Variants in MACROD2 observed in about 807,000 individuals in gnomAD.
MACROD2 encodes the protein ADP-ribose glycohydrolase MACROD2.
MACROD2 carries 36 observed loss-of-function variants against 70.4 expected under a neutral mutation model. The ratio of observed to expected loss-of-function variants is 0.51; its 90% confidence interval spans 0.39 to 0.68. The LOEUF is 0.68. Among genes scored for constraint, MACROD2 ranks in the 30% least tolerant of loss-of-function variants. MACROD2 has a pLI of 0.00. For missense variants in MACROD2, 496 were observed against 538.4 expected (o/e 0.92, Z 0.78); for synonymous variants, 172 against 178.8 (o/e 0.96, Z 0.30).
chr20:14,060,894 T>C (rs896186864), intron 2 of MACROD2, among the ~76,000 whole-genome samples: 3 of 152,182 alleles, frequency 2.0e-5, no homozygotes, highest in African/African-American at 7.2e-5. Flanking sequence ...TTTGAATTAG[T>C]TGACAGATTT....
chr20:14,280,893 A>G (rs1272394168), intron 3 of MACROD2, among the ~76,000 whole-genome samples: 1 of 152,204 alleles, frequency 6.6e-6, no homozygotes, highest in African/African-American at 2.4e-5. Context: ...TTCTGAATCA[A>G]TAATTGAAAA....
At chr20:14,555,862 T>C (rs1811814882) in intron 4 of MACROD2, among the ~76,000 whole-genome samples, 1 of 152,012 alleles carries the variant, frequency 6.6e-6, no homozygotes, top group African/African-American at 2.4e-5. Context: ...GGTGGGGCTG[T>C]GGGAGGAAGC....
intron 5 of MACROD2, among the ~76,000 whole-genome samples, chr20:14,854,190 A>G (rs1248013141): frequency 6.6e-6 from 1 of 152,166 alleles, no homozygotes; most frequent in Admixed American, 6.5e-5. Context: ...CATCTTCACC[A>G]GGAGAAAGCT....
At chr20:15,498,477 A>G (rs2047326142) in intron 7 of MACROD2, among the ~76,000 whole-genome samples, 2 of 152,222 alleles carry the variant, frequency 1.3e-5, no homozygotes, top group African/African-American at 4.8e-5. Context: ...GTATAAGGAA[A>G]AAAAGAGGGC....
At chr20:15,408,166 A>G (rs1360261977) in intron 6 of MACROD2, among the ~76,000 whole-genome samples, 1 of 152,216 alleles carries the variant, frequency 6.6e-6, no homozygotes, top group African/African-American at 2.4e-5. Flanking sequence ...AAGTTTTTTA[A>G]GGGGAATAAA....
At chr20:15,124,534 A>G (rs1032427803) in intron 5 of MACROD2, among the ~76,000 whole-genome samples, 1 of 152,026 alleles carries the variant, frequency 6.6e-6, no homozygotes, top group African/African-American at 2.4e-5. Context: ...TTATCAAATT[A>G]CTTCTTAAAA....
rs146664704 is a variant in MACROD2, at chr20:15,681,763, A to G, written c.646-180982A>G. 2.9e-3 allele frequency among the ~76,000 whole-genome samples: 439 copies of G among 152,330 alleles called. 2 individuals are homozygous for G. The highest frequency in any genetic ancestry group is 0.01 in the African/African-American group (420 of 41,576). On this transcript the variant is annotated intron_variant, in intron 8 of 17. Coordinates refer to ENST00000684519, the MANE Select transcript of MACROD2 (RefSeq NM_001351661.2). Reference sequence around the variant, plus strand: ...TCAGAGTTTCATCGTGACGACTTCTATGTAAATTTGAATGTTACATGAGGT... The same window carrying G: ...TCAGAGTTTCATCGTGACGACTTCTGTGTAAATTTGAATGTTACATGAGGT...
chr20:15,162,247 G>A (rs947174258), intron 5 of MACROD2, among the ~76,000 whole-genome samples: 4 of 152,074 alleles, frequency 2.6e-5, no homozygotes, highest in African/African-American at 9.7e-5. Flanking sequence ...GGAGCAGAAA[G>A]AGGAGTGGTA....
At chr20:15,630,314 A>G (rs2049270001) in intron 8 of MACROD2, among the ~76,000 whole-genome samples, 2 of 152,254 alleles carry the variant, frequency 1.3e-5, no homozygotes. Flanking sequence ...TGCCTTTCCA[A>G]GAAGCTGGTA....
intron 6 of MACROD2, among the ~76,000 whole-genome samples, chr20:15,284,337 A>G (rs1393119545): frequency 1.3e-5 from 2 of 152,138 alleles, no homozygotes; most frequent in East Asian, 1.9e-4. Context: ...GAGTCAGCTC[A>G]TTGTATTCCT....
intron 4 of MACROD2, among the ~76,000 whole-genome samples, chr20:14,525,308 T>C (rs2085218804): frequency 6.6e-6 from 1 of 152,228 alleles, no homozygotes; most frequent in South Asian, 2.1e-4. Context: ...TTTTTGCTAG[T>C]TCTCATTTGA....
At chr20:15,734,694 A>G (rs886896021) in intron 8 of MACROD2, among the ~76,000 whole-genome samples, 15 of 152,174 alleles carry the variant, frequency 9.9e-5, no homozygotes, top group Non-Finnish European at 1.0e-4. Flanking sequence ...TGTCCCTTTT[A>G]TATAATTTCT....
intron 3 of MACROD2, among the ~76,000 whole-genome samples, chr20:14,406,732 G>A (rs1259092070): frequency 6.6e-6 from 1 of 152,120 alleles, no homozygotes; most frequent in African/African-American, 2.4e-5. Context: ...GTAAATATTT[G>A]TTAAGTGACT....
chr20:14,903,039 CTT>C (rs11483540), intron 5 of MACROD2, among the ~76,000 whole-genome samples: 40 of 116,736 alleles, frequency 3.4e-4, no homozygotes, highest in East Asian at 5.0e-4. Context: ...TTTTCTTTCC[CTT>C]TTTTTTTTTT....
chr20:14,377,800 C>G (rs1432916336), intron 3 of MACROD2, among the ~76,000 whole-genome samples: 1 of 152,310 alleles, frequency 6.6e-6, no homozygotes, highest in African/African-American at 2.4e-5. Context: ...TGTTAATTCA[C>G]TTTTCTGTGG....
intron 6 of MACROD2, among the ~76,000 whole-genome samples, chr20:15,281,914 G>T (rs972504708): frequency 6.6e-6 from 1 of 152,200 alleles, no homozygotes; most frequent in African/African-American, 2.4e-5. Flanking sequence ...ATTTCTGCCT[G>T]GACATCCAGG....
chr20:15,505,707 A>G (rs2047417867), intron 8 of MACROD2, among the ~76,000 whole-genome samples: 1 of 152,102 alleles, frequency 6.6e-6, no homozygotes, highest in African/African-American at 2.4e-5. Context: ...TGTTTGGTTC[A>G]TCTTTGAAGG....
At chr20:15,584,656 T>A (rs1349416909) in intron 8 of MACROD2, among the ~76,000 whole-genome samples, 2 of 152,210 alleles carry the variant, frequency 1.3e-5, no homozygotes, top group African/African-American at 4.8e-5. Context: ...CACACACGTT[T>A]CTTCATGTTC....
At chr20:15,108,396 T>C (rs2075928423) in intron 5 of MACROD2, among the ~76,000 whole-genome samples, 1 of 152,220 alleles carries the variant, frequency 6.6e-6, no homozygotes, top group Admixed American at 6.5e-5. Context: ...GATGACACTT[T>C]TTATGCTTCT....
Sources: allele counts gnomAD v4.1 joint callset (sites outside exome capture counted in the v4.1 genomes callset), GRCh38; gene constraint gnomAD v4.1.1; transcripts MANE v1.5; gene names NCBI Gene and HGNC (gene_info 2026-07-23, HGNC 2026-07-21).